Variants in BICD1 observed in about 807,000 individuals in gnomAD.
BICD1 encodes the protein protein bicaudal D homolog 1.
In BICD1, 35 loss-of-function variants were observed where a neutral mutation model predicts 92.5. That is an observed-to-expected ratio of 0.38 (90% CI 0.29 to 0.50). The LOEUF (loss-of-function observed/expected upper bound fraction) is 0.50. Ranked by LOEUF, BICD1 falls within the 20% of genes least tolerant of loss-of-function variation. The probability of loss-of-function intolerance (pLI) is 0.93; values close to 1 mark genes in which losing one functional copy is unlikely to be tolerated. For synonymous variants in BICD1, 429 were observed against 465.1 expected, an observed-to-expected ratio of 0.92 and a Z score of 1.00; for missense variants, 950 against 1,189.8, an observed-to-expected ratio of 0.80 and a Z score of 2.97.
At chr12:32,143,619 T>C (rs577690892) in intron 1 of BICD1, among the ~76,000 whole-genome samples, 3 of 152,322 alleles carry the variant, frequency 2.0e-5, no homozygotes, top group African/African-American at 7.2e-5. Flanking sequence ...TTATGAATAG[T>C]GCTGCTCTGC....
At chr12:32,320,065 A>G (rs1948608260) in intron 4 of BICD1, among the ~76,000 whole-genome samples, 1 of 152,176 alleles carries the variant, frequency 6.6e-6, no homozygotes, top group African/African-American at 2.4e-5. Flanking sequence ...TCATAGAATT[A>G]TCTTTTGTTG....
At chr12:32,355,066 C>A (rs573105638) in intron 8 of BICD1, among the ~76,000 whole-genome samples, 1 of 152,232 alleles carries the variant, frequency 6.6e-6, no homozygotes, top group Admixed American at 6.5e-5. Context: ...GAATAATTTA[C>A]TGGTTATGTT....
chr12:32,215,857 G>T (rs1945341050), intron 1 of BICD1, among the ~76,000 whole-genome samples: 2 of 151,010 alleles, frequency 1.3e-5, no homozygotes, highest in Non-Finnish European at 1.5e-5. Context: ...GGGAGGCTGA[G>T]GCAGGAGAAT....
intron 1 of BICD1, among the ~76,000 whole-genome samples, chr12:32,147,977 C>CA (rs1393535352): frequency 1.3e-5 from 2 of 151,362 alleles, no homozygotes; most frequent in Non-Finnish European, 2.9e-5. Context: ...CCCATCTCTA[C>CA]AAAAAATAAG....
At chr12:32,348,726 ATATATATATAT>A (rs1565688903) in intron 8 of BICD1, among the ~76,000 whole-genome samples, 785 of 3,744 alleles carry the variant, frequency 0.21, 13 homozygotes, top group Middle Eastern at 0.5. Context: ...ACACAAAAAT[ATATATATATAT>A]ATATATATAT....
At chr12:32,245,131 ATG>A (rs1364815915) in intron 2 of BICD1, among the ~76,000 whole-genome samples, 1 of 152,138 alleles carries the variant, frequency 6.6e-6, no homozygotes, top group Non-Finnish European at 1.5e-5. Flanking sequence ...AAACAAATAA[ATG>A]TATTTCTTTT....
At position 32,107,039 on chromosome 12, in the gene BICD1, G is replaced by A; in HGVS notation, c.-293G>A. The A allele has an allele frequency of 2.7e-6, 1 of 365,112 alleles. No individual in the cohort carries two copies. The highest frequency in any genetic ancestry group is 5.0e-6 in the Non-Finnish European group (1 of 199,512). 22.6% of individuals were successfully genotyped at this position (365,112 alleles called of 1,614,324 possible). Reference sequence around the variant, plus strand: ...CGGCCGCCGCAGCCCGGGCCATGCCGCACGGCTGCTGACCGCACGCAGGGG... The same window carrying A: ...CGGCCGCCGCAGCCCGGGCCATGCCACACGGCTGCTGACCGCACGCAGGGG... On this transcript the variant is annotated 5_prime_UTR_variant, in exon 1 of 10. Transcript: ENST00000652176.
intron 2 of BICD1, among the ~76,000 whole-genome samples, chr12:32,268,753 G>A (rs934483310): frequency 2.3e-4 from 35 of 152,120 alleles, no homozygotes; most frequent in Non-Finnish European, 4.1e-4. Flanking sequence ...CCAAGATCGC[G>A]CCACTGCACT....
At chr12:32,354,166 T>C (rs1018841497) in intron 8 of BICD1, 1 of 152,250 alleles carries the variant, frequency 6.6e-6, no homozygotes, top group Non-Finnish European at 1.5e-5. Context: ...TTTTATCAGC[T>C]AGTCATCTGA....
In BICD1 at chr12:32,327,467, C is replaced by G. The variant is rs201669807; in HGVS notation, c.1012C>G (p.Arg338Gly). 6.3e-7 allele frequency: 1 copy of G among 1,594,394 alleles called. No individual in the cohort carries two copies. The highest frequency in any genetic ancestry group is 2.2e-5 in the East Asian group (1 of 44,512). Residue 338 changes from arginine to glycine, a missense_variant, in exon 5 of 10, where the codon CGG becomes GGG. Arg to Gly is a moderately radical substitution (Grantham distance 125, BLOSUM62 -2). Coordinates refer to ENST00000652176, the MANE Select transcript of BICD1 (RefSeq NM_001714.4). ...CTTTCTTTTGCCATTGCAGGTAGAGCGGGAAAAGGCCATTCTTTTGGCCAA... is the reference window on the plus strand; with the variant it reads ...CTTTCTTTTGCCATTGCAGGTAGAGGGGGAAAAGGCCATTCTTTTGGCCAA... Reference protein sequence around the residue: ...KLKQQLMQVEREKAILLANLQ... With the variant: ...KLKQQLMQVEGEKAILLANLQ...
chr12:32,183,909 G>T (rs1278508367), intron 1 of BICD1, among the ~76,000 whole-genome samples: 1 of 152,176 alleles, frequency 6.6e-6, no homozygotes, highest in Non-Finnish European at 1.5e-5. Context: ...AAGCAAGAAT[G>T]CTGTATAAAC....
chr12:32,108,010 G>C (rs1448926629), intron 1 of BICD1: 1 of 358,330 alleles, frequency 2.8e-6, no homozygotes, highest in African/African-American at 2.1e-5. Context: ...ACTCCTTGGT[G>C]AGAGAGGGAA....
At chr12:32,224,445 A>G (rs1368061583) in intron 2 of BICD1, among the ~76,000 whole-genome samples, 2 of 152,366 alleles carry the variant, frequency 1.3e-5, no homozygotes, top group East Asian at 3.9e-4. Flanking sequence ...CGCATATGCG[A>G]TTCCACAGGA....
chr12:32,182,278 C>CTTTCT (rs1198874082), intron 1 of BICD1, among the ~76,000 whole-genome samples: 5 of 81,424 alleles, frequency 6.1e-5, no homozygotes, highest in South Asian at 4.6e-4. Flanking sequence ...TTCTTTCTTT[C>CTTTCT]TTTTTTTTTT....
intron 1 of BICD1, among the ~76,000 whole-genome samples, chr12:32,164,296 ATT>A (rs1056799214): frequency 2.6e-5 from 4 of 152,190 alleles, no homozygotes; most frequent in Admixed American, 6.5e-5. Flanking sequence ...GTATTGATTT[ATT>A]GTTATATTTT....
At chr12:32,220,141 T>C (rs916393256) in intron 2 of BICD1, among the ~76,000 whole-genome samples, 19 of 152,182 alleles carry the variant, frequency 1.2e-4, no homozygotes, top group African/African-American at 4.6e-4. Flanking sequence ...ATAAAAACCC[T>C]AGAAGAAAAC....
At chr12:32,180,513 G>A (rs1592428672) in intron 1 of BICD1, among the ~76,000 whole-genome samples, 2 of 151,840 alleles carry the variant, frequency 1.3e-5, no homozygotes, top group African/African-American at 4.8e-5. Flanking sequence ...TCCCTTGGCT[G>A]TCTTCATTGA....
At position 32,201,251 on chromosome 12, in the gene BICD1, T is replaced by G. The variant is rs1944899416; in HGVS notation, c.214-14996T>G. Among the ~76,000 whole-genome samples the G allele has an allele frequency of 2.6e-5, 4 of 152,238 alleles. No homozygotes were observed. The South Asian group carries it at 8.3e-4, about 31-fold the overall frequency. On this transcript the variant is annotated intron_variant, in intron 1 of 9. Transcript: ENST00000652176. ...CTGACATACTCTGATCTAGGAGGAT[T>G]GTAGTGTGGTCACAATGCCTCAGCT...
intron 1 of BICD1, among the ~76,000 whole-genome samples, chr12:32,160,053 G>GT: frequency 8.7e-6 from 1 of 115,556 alleles, no homozygotes. Flanking sequence ...ATAATATCCT[G>GT]TTGTTGTGCC....
Sources: gnomAD v4.1 joint callset for allele counts (sites outside exome capture counted in the v4.1 genomes callset) on GRCh38, gnomAD v4.1.1 for gene constraint, MANE v1.5 for transcripts, NCBI Gene and HGNC (gene_info 2026-07-23, HGNC 2026-07-21) for gene names.